The following TRIM67 variants were observed in gnomAD, a reference collection of about 807,000 sequenced individuals.
TRIM67 encodes tripartite motif-containing protein 67.
In TRIM67, 39 loss-of-function variants were observed where a neutral mutation model predicts 71.0. The ratio of observed to expected loss-of-function variants is 0.55; its 90% confidence interval spans 0.43 to 0.72. The LOEUF (loss-of-function observed/expected upper bound fraction) is 0.72, where lower values mean the gene tolerates loss of function less well. TRIM67 is among the 30% of genes least tolerant of loss of function. TRIM67 has a pLI of 0.00. For synonymous variants in TRIM67, 481 were observed against 473.9 expected, an observed-to-expected ratio of 1.01 and a Z score of -0.19; for missense variants, 973 against 1,079.2, an observed-to-expected ratio of 0.90 and a Z score of 1.38.
Position 231,220,119 on chromosome 1 carries a change from T to A in TRIM67, c.*4679T>A, listed in dbSNP as rs1011729544. 2 of 465,282 alleles carry A rather than the reference T, an allele frequency of 4.3e-6. No individual in the cohort carries two copies. Among genetic ancestry groups the A allele is most frequent in the Non-Finnish European group, 7.5e-6 (2 of 267,140 alleles). The allele number at this position is 465,282 out of a possible 1,614,324, so 28.8% of individuals were successfully genotyped here. On this transcript the variant is annotated 3_prime_UTR_variant, in exon 10 of 10. Transcript: ENST00000366653. The stretch of plus-strand genomic sequence containing the variant: ...TAAAGAAAAAAAGTGCAGTCTTTCA[T>A]CTCTGGCATCTAAGCTAATGATTCC...
intron 9 of TRIM67, 87 bp downstream of exon 9, chr1:231,214,064 CA>C: frequency 7.1e-7 from 1 of 1,416,010 alleles, no homozygotes; most frequent in South Asian, 1.5e-5. Flanking sequence ...CAGAGTGGGC[CA>C]TAAAGAAGCT....
chr1:231,202,949 T>A (rs941052312), intron 5 of TRIM67, among the ~76,000 whole-genome samples: 1 of 151,980 alleles, frequency 6.6e-6, no homozygotes, highest in Non-Finnish European at 1.5e-5. Flanking sequence ...CTGGACTGGA[T>A]GGGGTCACTG....
chr1:231,180,746 G>A (rs1045436971), intron 1 of TRIM67, among the ~76,000 whole-genome samples: 3 of 152,190 alleles, frequency 2.0e-5, no homozygotes, highest in African/African-American at 7.2e-5. Context: ...GTAAGAACTG[G>A]CCCCAGAGCA....
intron 1 of TRIM67, among the ~76,000 whole-genome samples, chr1:231,185,905 G>A (rs1454985332): frequency 6.6e-6 from 1 of 151,850 alleles, no homozygotes; most frequent in East Asian, 1.9e-4. Context: ...GTTGGACGTG[G>A]GCAAGCTGAG....
chr1:231,197,580 C>T, intron 2 of TRIM67, 114 bp downstream of exon 2: 1 of 894,258 alleles, frequency 1.1e-6, no homozygotes, highest in Non-Finnish European at 1.7e-6. Flanking sequence ...AATCCCAACA[C>T]TTTGGGAGGC....
chr1:231,173,992 T>C (rs577364764), intron 1 of TRIM67, among the ~76,000 whole-genome samples: 1 of 152,182 alleles, frequency 6.6e-6, no homozygotes, highest in South Asian at 2.1e-4. Context: ...TTTTGGAAAA[T>C]TTTTATGTAC....
intron 9 of TRIM67, 93 bp from the exon 10 acceptor site, chr1:231,215,282 A>T: frequency 1.3e-6 from 2 of 1,506,914 alleles, no homozygotes; most frequent in South Asian, 2.6e-5. Flanking sequence ...TGGAGCCAGC[A>T]GGGGATCCTG....
intron 6 of TRIM67, among the ~76,000 whole-genome samples, chr1:231,206,042 G>A (rs527919754): frequency 6.6e-6 from 1 of 152,344 alleles, no homozygotes; most frequent in South Asian, 2.1e-4. Flanking sequence ...CAGTAGTAAG[G>A]CATTCATGCC....
Position 231,219,677 on chromosome 1 carries a change from A to C in TRIM67, c.*4237A>C. 4.3e-6 allele frequency: 5 copies of C among 1,171,084 alleles called. No homozygotes were observed. Among genetic ancestry groups the C allele is most frequent in the Non-Finnish European group, 4.3e-6 (4 of 934,026 alleles). The allele number at this position is 1,171,084 out of a possible 1,614,324, so 72.5% of individuals were successfully genotyped here. On this transcript the variant is annotated 3_prime_UTR_variant, in exon 10 of 10. Coordinates refer to ENST00000366653, the MANE Select transcript of TRIM67 (RefSeq NM_001004342.5). ...TACTGGAAGCAACAGGAACTTCTTA[A>C]TGGGTTTGTGGCCCTCAATTGGTTT...
intron 1 of TRIM67, among the ~76,000 whole-genome samples, chr1:231,165,848 C>G (rs1382958701): frequency 1.3e-5 from 2 of 152,204 alleles, no homozygotes; most frequent in Non-Finnish European, 2.9e-5. Context: ...TAAATCTTCA[C>G]AGCTTAGAGA....
intron 2 of TRIM67, 52 bp from the exon 3 acceptor site, chr1:231,198,995 C>A: frequency 6.2e-7 from 1 of 1,611,336 alleles, no homozygotes; most frequent in South Asian, 1.1e-5. Context: ...ATTTTAGCAT[C>A]TTCCCCCTAA....
chr1:231,198,962 T>A, intron 2 of TRIM67, 85 bp from the exon 3 acceptor site: 3 of 1,587,556 alleles, frequency 1.9e-6, no homozygotes, highest in Non-Finnish European at 2.6e-6. Context: ...CTGAAATATA[T>A]CTTTGTCTAT....
rs763885806 is a variant in TRIM67, at chr1:231,163,393, G to T, written c.424G>T (p.Ala142Ser). The change falls in exon 1 of 10, where the codon GCT (alanine) becomes TCT (serine). Residue 142 changes from alanine (A) to serine (S), a missense_variant. By Grantham distance (99) the Ala-to-Ser change is moderately conservative (BLOSUM62 1). Coordinates refer to ENST00000366653, the MANE Select transcript of TRIM67 (RefSeq NM_001004342.5). ...PAPPGSSAAA[A>S]RGAACSSLSS... ...ACCACCCGGCTCCTCGGCTGCGGCG[G>T]CTCGGGGTGCCGCCTGCTCCTCGCT... 39 of 1,535,248 alleles carry T rather than the reference G, an allele frequency of 2.5e-5. No individual in the cohort carries two copies. Among genetic ancestry groups the T allele is most frequent in the Non-Finnish European group, 3.2e-5 (37 of 1,142,834 alleles).
intron 1 of TRIM67, among the ~76,000 whole-genome samples, chr1:231,180,287 T>C (rs1682863794): frequency 6.6e-6 from 1 of 152,218 alleles, no homozygotes; most frequent in Non-Finnish European, 1.5e-5. Flanking sequence ...CAAATTTCAC[T>C]ATTTTCTTAG....
rs1474761834 is a variant in TRIM67, at chr1:231,163,217, G to A, written c.248G>A (p.Ser83Asn). The part of the protein sequence containing the change: ...AGPACGGAGG[S>N]AAGGLGGGAG... Reference sequence around the variant, plus strand: ...CCGGCCTGCGGCGGTGCAGGCGGGAGTGCAGCTGGCGGCCTCGGCGGCGGT... The same window carrying A: ...CCGGCCTGCGGCGGTGCAGGCGGGAATGCAGCTGGCGGCCTCGGCGGCGGT... Residue 83 changes from serine to asparagine, a missense_variant, in exon 1 of 10, where the codon AGT (serine) becomes AAT (asparagine). Ser to Asn is a conservative substitution (Grantham distance 46). Transcript: ENST00000366653. 3 of 1,493,880 alleles carry A rather than the reference G, an allele frequency of 2.0e-6. No individual in the cohort carries two copies. Among genetic ancestry groups the A allele is most frequent in the African/African-American group, 1.5e-5 (1 of 68,626 alleles). 92.5% of individuals were successfully genotyped at this position (1,493,880 alleles called of 1,614,324 possible).
intron 1 of TRIM67, among the ~76,000 whole-genome samples, chr1:231,175,432 A>G (rs1332535133): frequency 6.6e-6 from 1 of 152,262 alleles, no homozygotes; most frequent in Non-Finnish European, 1.5e-5. Flanking sequence ...TCGTGGGTGC[A>G]GTCAGAAGAC....
chr1:231,217,921 CCCT>C lies in TRIM67; in HGVS notation c.*2487_*2489del. ...AGTCCAGAGAGGTGCAGCCAGGACT[CCCT>C]CCTCCCCACTGCCACCCTGAGCTTG... On this transcript the variant is annotated 3_prime_UTR_variant, in exon 10 of 10. Transcript: ENST00000366653. 1.6e-6 allele frequency: 2 copies of C among 1,283,754 alleles called. No homozygotes were observed. The highest frequency in any genetic ancestry group is 2.0e-6 in the Non-Finnish European group (2 of 986,164). The allele number at this position is 1,283,754 out of a possible 1,614,324, so 79.5% of individuals were successfully genotyped here.
intron 1 of TRIM67, among the ~76,000 whole-genome samples, chr1:231,185,635 GA>G (rs1558296572): frequency 1.3e-5 from 2 of 151,924 alleles, no homozygotes; most frequent in East Asian, 3.9e-4. Context: ...CACACAGCAC[GA>G]AATCAGTGAA....
intron 1 of TRIM67, among the ~76,000 whole-genome samples, chr1:231,175,464 T>C (rs915852777): frequency 2.0e-5 from 3 of 152,172 alleles, no homozygotes; most frequent in Non-Finnish European, 2.9e-5. Flanking sequence ...AATTCAGAGA[T>C]GGAGAACAGT....
Sources: allele counts gnomAD v4.1 joint callset (sites outside exome capture counted in the v4.1 genomes callset), GRCh38; gene constraint gnomAD v4.1.1; transcripts MANE v1.5; gene names NCBI Gene and HGNC (gene_info 2026-07-23, HGNC 2026-07-21).